The following EPHA2 variants were observed in gnomAD, a reference collection of about 807,000 sequenced individuals.
EPHA2 encodes the protein ephrin type-A receptor 2.
EPHA2 carries 54 observed loss-of-function variants against 104.9 expected under a neutral mutation model. The ratio of observed to expected loss-of-function variants is 0.51; its 90% CI spans 0.41 to 0.65. The LOEUF is 0.65. Among genes scored for constraint, EPHA2 ranks in the 30% least tolerant of loss-of-function variants. The pLI is 0.00. For missense variants in EPHA2, 1,117 were observed against 1,369.5 expected, an observed-to-expected ratio of 0.82 and a Z score of 2.91; for synonymous variants, 560 against 559.1, an observed-to-expected ratio of 1.00 and a Z score of -0.02.
At chr1:16,137,713 C>G (rs1042305170) in intron 5 of EPHA2, 140 bp downstream of exon 5, 1 of 1,012,232 alleles carries the variant, frequency 9.9e-7, no homozygotes, top group African/African-American at 1.6e-5. Context: ...ACGGGTTGGA[C>G]AAGCTTGCTC....
intron 3 of EPHA2, among the ~76,000 whole-genome samples, chr1:16,141,800 T>A (rs781176488): frequency 6.6e-6 from 1 of 152,160 alleles, no homozygotes; most frequent in Non-Finnish European, 1.5e-5. Context: ...AAGAGGGAAT[T>A]TGGAGAGATT....
intron 5 of EPHA2, among the ~76,000 whole-genome samples, chr1:16,136,052 G>A (rs905772738): frequency 6.6e-6 from 1 of 151,918 alleles, no homozygotes; most frequent in Non-Finnish European, 1.5e-5. Flanking sequence ...TGTATTTTTT[G>A]TAGAGATGGG....
intron 3 of EPHA2, among the ~76,000 whole-genome samples, chr1:16,140,140 A>C (rs2024794975): frequency 1.3e-5 from 2 of 152,210 alleles, no homozygotes; most frequent in South Asian, 4.1e-4. Flanking sequence ...GTAAGGTGCC[A>C]GATAGTGACC....
chr1:16,136,303 A>AAATAATAAT (rs35523202), intron 5 of EPHA2, among the ~76,000 whole-genome samples: 10,919 of 140,866 alleles, frequency 0.078, 499 homozygotes, highest in Middle Eastern at 0.11. Flanking sequence ...ACGAGTGCAT[A>AAATAATAAT]AATAATAATA....
chr1:16,154,862 G>A (rs1019983587), intron 1 of EPHA2, among the ~76,000 whole-genome samples: 7 of 152,094 alleles, frequency 4.6e-5, no homozygotes, highest in African/African-American at 1.7e-4. Context: ...GCCCAGGCAG[G>A]AGGGGAAGCC....
chr1:16,140,777 C>G (rs1423775604), intron 3 of EPHA2, among the ~76,000 whole-genome samples: 2 of 152,214 alleles, frequency 1.3e-5, no homozygotes, highest in African/African-American at 2.4e-5. Flanking sequence ...GGCCATCAAG[C>G]CTGGCTAACT....
intron 3 of EPHA2, among the ~76,000 whole-genome samples, chr1:16,145,822 C>T (rs577751201): frequency 6.6e-6 from 1 of 152,350 alleles, no homozygotes; most frequent in East Asian, 1.9e-4. Flanking sequence ...CGCTGCACCG[C>T]CTGGATTCAG....
At position 16,150,791 on chromosome 1, in the gene EPHA2, G is replaced by T; in HGVS notation, c.153+105C>A. The T allele has an allele frequency of 7.7e-7, 1 of 1,299,156 alleles. No individual in the cohort carries two copies. Among genetic ancestry groups the T allele is most frequent in the Non-Finnish European group, 1.1e-6 (1 of 901,786 alleles). 80.5% of individuals were successfully genotyped at this position (1,299,156 alleles called of 1,614,324 possible). A position where few individuals can be genotyped will look rare whatever the true frequency, so the allele number is the denominator to read the frequency against. ...GAGCCTGAGACCTGGCTGAGCTGCT[G>T]AATTGAAGCCAGGCCCCACGCTCCC... On this transcript the variant is annotated intron_variant, in intron 2 of 16. Coordinates refer to ENST00000358432, the MANE Select transcript of EPHA2 (RefSeq NM_004431.5). This position sits in a 1 kb window ranked among gnomAD's most constrained non-coding sequence, Gnocchi z 4.8.
At chr1:16,149,252 G>A (rs541110086) in intron 2 of EPHA2, among the ~76,000 whole-genome samples, 1 of 152,270 alleles carries the variant, frequency 6.6e-6, no homozygotes, top group African/African-American at 2.4e-5. Flanking sequence ...GCACATGTCT[G>A]GAAGCCAAAC....
intron 5 of EPHA2, among the ~76,000 whole-genome samples, chr1:16,136,651 GAAAGAAGAAGAAAAGAAGA>G (rs1253082120): frequency 2.4e-5 from 3 of 122,806 alleles, no homozygotes; most frequent in Non-Finnish European, 4.8e-5. Context: ...GACAGAAGAA[GAAAGAAGAAGAAAAGAAGA>G]AAAGAAGAAG....
At position 16,128,939 on chromosome 1, in the gene EPHA2, C is replaced by A. The variant is rs1305187544; in HGVS notation, c.2825+495G>T. Among the ~76,000 whole-genome samples, 1 of 151,988 alleles carries A rather than the reference C, an allele frequency of 6.6e-6. No homozygotes were observed. The highest frequency in any genetic ancestry group is 1.5e-5 in the Non-Finnish European group (1 of 67,996). Reference sequence around the variant, plus strand: ...GTGACCTCAGGCAAGCCGGTAACATCTCAGCCTGTTTCTCTACCAATGACC... The same window carrying A: ...GTGACCTCAGGCAAGCCGGTAACATATCAGCCTGTTTCTCTACCAATGACC... On this transcript the variant is annotated intron_variant, in intron 16 of 16. Coordinates refer to ENST00000358432, the MANE Select transcript of EPHA2 (RefSeq NM_004431.5). The surrounding 1 kb of genome is among the most constrained non-coding windows in gnomAD (Gnocchi z 4.7).
Position 16,124,978 on chromosome 1 carries a change from T to G in EPHA2, c.*237A>C, listed in dbSNP as rs1570389826. 1.8e-6 allele frequency: 1 copy of G among 545,062 alleles called. No homozygotes were observed. Among genetic ancestry groups the G allele is most frequent in the Admixed American group, 3.0e-5 (1 of 33,288 alleles). 33.8% of individuals were successfully genotyped at this position (545,062 alleles called of 1,614,324 possible). A position where few individuals can be genotyped will look rare whatever the true frequency, so the allele number is the denominator to read the frequency against. On this transcript the variant is annotated 3_prime_UTR_variant, in exon 17 of 17. Coordinates refer to ENST00000358432, the MANE Select transcript of EPHA2 (RefSeq NM_004431.5). ...CTCCAGGGATGCTGGGACGTGGCGG[T>G]GCCTGCTAAGTGCTCAGCTGTGTGC...
chr1:16,140,631 G>GT (rs1206598699), intron 3 of EPHA2, among the ~76,000 whole-genome samples: 1 of 152,026 alleles, frequency 6.6e-6, no homozygotes, highest in Non-Finnish European at 1.5e-5. Flanking sequence ...TATTTATTTT[G>GT]TTTTTGAGAT....
chr1:16,133,742 C>T (rs2024626150), intron 9 of EPHA2, 118 bp downstream of exon 9: 2 of 1,489,574 alleles, frequency 1.3e-6, no homozygotes, highest in South Asian at 2.6e-5. Context: ...CAGAGCTGCC[C>T]ACGGAAGCCT....
At position 16,141,707 on chromosome 1, in the gene EPHA2, T is replaced by C. The variant is rs550824125; in HGVS notation, c.824-3277A>G. Among the ~76,000 whole-genome samples the C allele has an allele frequency of 4.6e-5, 7 of 152,352 alleles. No homozygotes were observed. The South Asian group carries it at 1.2e-3, about 27-fold the overall frequency. On this transcript the variant is annotated intron_variant, in intron 3 of 16. Coordinates refer to ENST00000358432, the MANE Select transcript of EPHA2 (RefSeq NM_004431.5). ...ACTCCCCACCGTGTGGCTGCTTCTA[T>C]GCCAAGAGGAGGAAGTGGGGGAAGA...
chr1:16,154,140 C>T (rs1256871029), intron 1 of EPHA2, among the ~76,000 whole-genome samples: 1 of 152,090 alleles, frequency 6.6e-6, no homozygotes, highest in Non-Finnish European at 1.5e-5. Flanking sequence ...CCCGCCTAAT[C>T]CCCCACCCCC....
chr1:16,154,296 A>C (rs1219885928), intron 1 of EPHA2, among the ~76,000 whole-genome samples: 1 of 152,142 alleles, frequency 6.6e-6, no homozygotes, highest in African/African-American at 2.4e-5. Flanking sequence ...GAGCTCCTGC[A>C]ACCAGAAGTC....
At chr1:16,136,136 G>A (rs2124217716) in intron 5 of EPHA2, among the ~76,000 whole-genome samples, 1 of 152,012 alleles carries the variant, frequency 6.6e-6, no homozygotes, top group South Asian at 2.1e-4. Context: ...CTCCCAAAAT[G>A]CTGGGATTAT....
rs567591736 is a variant in EPHA2, at chr1:16,140,176, G to A, written c.824-1746C>T. ...TCCTGCTGATGACTCTGCTCTCAGA[G>A]CCAGGCTGCATCCCTGTCCCCTCCC... is the stretch of plus-strand genomic sequence containing the variant. On this transcript the variant is annotated intron_variant, in intron 3 of 16. Coordinates refer to ENST00000358432, the MANE Select transcript of EPHA2 (RefSeq NM_004431.5). Among the ~76,000 whole-genome samples the A allele has an allele frequency of 4.3e-4, 65 of 152,346 alleles. No homozygotes were observed. The Middle Eastern group carries it at 0.017, about 40-fold the overall frequency.
Sources: gnomAD v4.1 joint callset for allele counts (sites outside exome capture counted in the v4.1 genomes callset) on GRCh38, gnomAD v4.1.1 for gene constraint, Gnocchi (gnomAD v3.1) non-coding constraint, MANE v1.5 for transcripts, NCBI Gene and HGNC (gene_info 2026-07-23, HGNC 2026-07-21) for gene names.